NOS1AP: variants seen among roughly 807,000 people sequenced by gnomAD.
NOS1AP encodes nitric oxide synthase 1 adaptor protein.
Under a neutral mutation model 56.2 loss-of-function variants are expected in NOS1AP, and 21 were observed. That is an observed-to-expected ratio of 0.37 (90% CI 0.26 to 0.54). The LOEUF is 0.54. Among genes scored for constraint, NOS1AP ranks in the 20% least tolerant of loss-of-function variants. The probability of loss-of-function intolerance (pLI) is 0.84; values close to 1 mark genes in which losing one functional copy is unlikely to be tolerated. For synonymous variants in NOS1AP, 270 were observed against 274.6 expected, an observed-to-expected ratio of 0.98 and a Z score of 0.17; for missense variants, 522 against 657.8, an observed-to-expected ratio of 0.79 and a Z score of 2.26.
At chr1:162,182,487 A>G (rs1338418684) in intron 2 of NOS1AP, among the ~76,000 whole-genome samples, 1 of 152,226 alleles carries the variant, frequency 6.6e-6, no homozygotes, top group East Asian at 1.9e-4. Context: ...CTTAAAATAA[A>G]GCAACAATGA....
intron 6 of NOS1AP, among the ~76,000 whole-genome samples, chr1:162,349,302 T>TA (rs5778268): frequency 0.098 from 14,949 of 152,138 alleles, 1,090 homozygotes; most frequent in African/African-American, 0.19. Context: ...TAATCTCACT[T>TA]AAAAAAATAC....
chr1:162,172,452 G>C (rs1429956378), intron 2 of NOS1AP, among the ~76,000 whole-genome samples: 2 of 152,132 alleles, frequency 1.3e-5, no homozygotes, highest in Non-Finnish European at 2.9e-5. Context: ...CCTGTGAATG[G>C]GTGTGCCCCA....
intron 2 of NOS1AP, among the ~76,000 whole-genome samples, chr1:162,170,947 A>G (rs1238201142): frequency 1.3e-5 from 2 of 151,784 alleles, no homozygotes; most frequent in African/African-American, 2.4e-5. Context: ...TCTCAAAAAA[A>G]AAAAAAGAAA....
chr1:162,085,463 C>T (rs1340821587), intron 1 of NOS1AP, among the ~76,000 whole-genome samples: 1 of 152,048 alleles, frequency 6.6e-6, no homozygotes, highest in African/African-American at 2.4e-5. Flanking sequence ...CTGGGAAGAC[C>T]AAGAAGAACT....
At chr1:162,186,885 C>A in intron 2 of NOS1AP, among the ~76,000 whole-genome samples, 1 of 152,100 alleles carries the variant, frequency 6.6e-6, no homozygotes, top group East Asian at 1.9e-4. Flanking sequence ...GTAATTGTTG[C>A]AAAAATGGAA....
intron 9 of NOS1AP, 124 bp downstream of exon 9, chr1:162,365,693 C>T: frequency 8.2e-7 from 1 of 1,217,242 alleles, no homozygotes; most frequent in Non-Finnish European, 1.2e-6. Flanking sequence ...CAGCAGAAAA[C>T]ATAGGCAGCT....
chr1:162,355,699 C>G (rs1404678945), intron 7 of NOS1AP, among the ~76,000 whole-genome samples: 10 of 145,166 alleles, frequency 6.9e-5, no homozygotes, highest in Admixed American at 6.3e-4. Context: ...CACACAGACT[C>G]CCCTGTGACT....
At chr1:162,322,268 CA>C (rs1466420968) in intron 4 of NOS1AP, among the ~76,000 whole-genome samples, 4 of 152,134 alleles carry the variant, frequency 2.6e-5, no homozygotes, top group Non-Finnish European at 4.4e-5. Context: ...GAAGTGCCTT[CA>C]GGTGAGTTCT....
chr1:162,265,475 G>A (rs530748099), intron 2 of NOS1AP, among the ~76,000 whole-genome samples: 28 of 150,108 alleles, frequency 1.9e-4, no homozygotes, highest in South Asian at 2.1e-4. Context: ...GAGAACATGC[G>A]GTGTTTGGTT....
intron 2 of NOS1AP, among the ~76,000 whole-genome samples, chr1:162,248,068 A>G (rs988127259): frequency 2.0e-5 from 3 of 152,130 alleles, no homozygotes; most frequent in African/African-American, 7.2e-5. Flanking sequence ...GGATCGCTTG[A>G]GGCCGGATGT....
rs117035492 is a variant in NOS1AP, at chr1:162,306,137, T to C, written c.344+5431T>C. ...GAACAATTATTAACCAACCCTGGTG[T>C]GGGTTATGAGTCAGAATGTGCAGGA... On this transcript the variant is annotated intron_variant, in intron 4 of 9. Coordinates refer to ENST00000361897, the MANE Select transcript of NOS1AP (RefSeq NM_014697.3). Among the ~76,000 whole-genome samples, 49 of 152,206 alleles carry C rather than the reference T, an allele frequency of 3.2e-4. 3 individuals are homozygous for C. The East Asian group carries it at 5.2e-3, about 16-fold the overall frequency.
intron 2 of NOS1AP, among the ~76,000 whole-genome samples, chr1:162,235,826 C>T (rs148915881): frequency 1.6e-3 from 251 of 152,330 alleles, no homozygotes; most frequent in Non-Finnish European, 2.8e-3. Flanking sequence ...GTTTCATGCT[C>T]ACATACATGC....
intron 2 of NOS1AP, among the ~76,000 whole-genome samples, chr1:162,227,387 A>G (rs1652980572): frequency 1.3e-5 from 2 of 152,218 alleles, no homozygotes; most frequent in Admixed American, 1.3e-4. Context: ...TATAACAATT[A>G]AAAAACAAGG....
chr1:162,079,226 A>AT (rs796095702), intron 1 of NOS1AP, among the ~76,000 whole-genome samples: 57 of 150,944 alleles, frequency 3.8e-4, no homozygotes, highest in Non-Finnish European at 5.8e-4. Context: ...CCAAGTAAGC[A>AT]TTTTTTTTTC....
chr1:162,307,750 G>A (rs985927642), intron 4 of NOS1AP, among the ~76,000 whole-genome samples: 8 of 151,892 alleles, frequency 5.3e-5, no homozygotes, highest in Non-Finnish European at 1.0e-4. Flanking sequence ...GGCAGAGCTT[G>A]CAGTGAGCTG....
At chr1:162,360,257 T>C (rs1657856772) in intron 8 of NOS1AP, among the ~76,000 whole-genome samples, 1 of 152,036 alleles carries the variant, frequency 6.6e-6, no homozygotes, top group Admixed American at 6.5e-5. Context: ...GGGTAAGTAG[T>C]GAATACCCAA....
intron 2 of NOS1AP, among the ~76,000 whole-genome samples, chr1:162,201,479 G>T (rs992834219): frequency 6.6e-6 from 1 of 152,172 alleles, no homozygotes; most frequent in Non-Finnish European, 1.5e-5. Flanking sequence ...TAATGAGATT[G>T]CTGGGTTGAA....
intron 2 of NOS1AP, among the ~76,000 whole-genome samples, chr1:162,190,084 T>G (rs1052464498): frequency 1.7e-4 from 26 of 152,334 alleles, no homozygotes; most frequent in Middle Eastern, 3.4e-3. Context: ...GGCCTGTGAA[T>G]TGATGCCAAG....
intron 2 of NOS1AP, among the ~76,000 whole-genome samples, chr1:162,281,958 G>A (rs758405989): frequency 6.6e-6 from 1 of 152,134 alleles, no homozygotes; most frequent in Non-Finnish European, 1.5e-5. Flanking sequence ...AAATTAGCTG[G>A]GCATGGTGGC....
Sources: allele counts gnomAD v4.1 joint callset (sites outside exome capture counted in the v4.1 genomes callset), GRCh38; gene constraint gnomAD v4.1.1; transcripts MANE v1.5; gene names NCBI Gene and HGNC (gene_info 2026-07-23, HGNC 2026-07-21).